The following SYT17 variants were observed in gnomAD, a reference collection of about 807,000 sequenced individuals.
SYT17 encodes the protein synaptotagmin-17.
Under a neutral mutation model 46.7 loss-of-function variants are expected in SYT17, and 22 were observed. The ratio of observed to expected loss-of-function variants is 0.47; its 90% CI spans 0.34 to 0.67. SYT17 has a LOEUF of 0.67. Among genes scored for constraint, SYT17 ranks in the 30% least tolerant of loss-of-function variants. The pLI is 0.01. For missense variants in SYT17, 519 were observed against 612.8 expected (o/e 0.85, Z 1.62); for synonymous variants, 251 against 248.4 (o/e 1.01, Z -0.10).
At chr16:19,208,880 C>CCTTCTTTTT (rs1965774458) in intron 5 of SYT17, among the ~76,000 whole-genome samples, 2 of 68,188 alleles carry the variant, frequency 2.9e-5, no homozygotes, top group South Asian at 4.7e-4. Context: ...TCTACAAGGA[C>CCTTCTTTTT]CTTCTTTTTT....
At position 19,183,674 on chromosome 16, in the gene SYT17, C is replaced by T. The variant is rs1365835893; in HGVS notation, c.478C>T (p.His160Tyr). 3.1e-6 allele frequency: 5 copies of T among 1,614,206 alleles called. No homozygotes were observed. Among genetic ancestry groups the T allele is most frequent in the South Asian group, 1.1e-5 (1 of 91,086 alleles). The change falls in exon 5 of 8, where the codon CAC (histidine) becomes TAC (tyrosine). Residue 160 changes from histidine to tyrosine, a missense_variant. Physicochemically the swap from His to Tyr is moderately conservative, Grantham distance 83. Coordinates refer to ENST00000355377, the MANE Select transcript of SYT17 (RefSeq NM_016524.4). This position sits in a 1 kb window ranked among gnomAD's most constrained non-coding sequence, Gnocchi z 5.6. ...CGACTATTTCAGGAAGTTCGAACCC[C>T]ACCTGTACTCCCTCGACTCCAACAG... is the stretch of plus-strand genomic sequence containing the variant. ...PDDYFRKFEP[H>Y]LYSLDSNSDD...
chr16:19,200,623 A>G (rs1461396149), intron 5 of SYT17, among the ~76,000 whole-genome samples: 1 of 152,142 alleles, frequency 6.6e-6, no homozygotes, highest in Non-Finnish European at 1.5e-5. Context: ...ATTTCTCTCC[A>G]TTCGAGTTTT....
At chr16:19,264,802 C>G (rs545031543) in intron 7 of SYT17, among the ~76,000 whole-genome samples, 1 of 152,028 alleles carries the variant, frequency 6.6e-6, no homozygotes. Flanking sequence ...CCATGTTGCC[C>G]AGACTAGTCT....
chr16:19,212,248 A>G (rs946949314), intron 5 of SYT17, among the ~76,000 whole-genome samples: 4 of 152,216 alleles, frequency 2.6e-5, no homozygotes, highest in Admixed American at 2.6e-4. Context: ...CAAAGTGGCA[A>G]TAGTGCTGAG....
intron 5 of SYT17, among the ~76,000 whole-genome samples, chr16:19,214,526 G>A (rs1251753362): frequency 6.6e-6 from 1 of 152,032 alleles, no homozygotes; most frequent in Non-Finnish European, 1.5e-5. Context: ...TGTAGCATCT[G>A]ATACTTCTAG....
chr16:19,249,404 A>G (rs569256372), intron 7 of SYT17, among the ~76,000 whole-genome samples: 2 of 152,368 alleles, frequency 1.3e-5, no homozygotes, highest in East Asian at 3.9e-4. Flanking sequence ...GGAAAGGGAC[A>G]AGAAGAAGGA....
At chr16:19,228,286 A>G (rs1966566336) in intron 7 of SYT17, among the ~76,000 whole-genome samples, 1 of 152,186 alleles carries the variant, frequency 6.6e-6, no homozygotes, top group African/African-American at 2.4e-5. Context: ...GGCAGTGGTC[A>G]GCTGATGCTG....
At chr16:19,247,939 G>A (rs1597021126) in intron 7 of SYT17, among the ~76,000 whole-genome samples, 1 of 152,110 alleles carries the variant, frequency 6.6e-6, no homozygotes, top group African/African-American at 2.4e-5. Context: ...AAAAAGCCAA[G>A]CCATGCCCTG....
chr16:19,231,148 T>G (rs965919844), intron 7 of SYT17, among the ~76,000 whole-genome samples: 4 of 152,182 alleles, frequency 2.6e-5, no homozygotes, highest in Non-Finnish European at 5.9e-5. Context: ...TCTGTCTTCT[T>G]GGAGGTAAAG....
chr16:19,173,198 T>C, intron 2 of SYT17: 1 of 564,382 alleles, frequency 1.8e-6, no homozygotes, highest in Non-Finnish European at 3.1e-6. Context: ...TGCTTGCTAC[T>C]AACGGCTCCA....
At chr16:19,209,526 T>C (rs12923466) in intron 5 of SYT17, among the ~76,000 whole-genome samples, 40,832 of 151,946 alleles carry the variant, frequency 0.27, 5,744 homozygotes, top group Middle Eastern at 0.33. Flanking sequence ...AAATGCAGCT[T>C]GTCAGCCTCA....
At chr16:19,232,915 C>T (rs897646344) in intron 7 of SYT17, among the ~76,000 whole-genome samples, 5 of 152,132 alleles carry the variant, frequency 3.3e-5, no homozygotes, top group African/African-American at 9.7e-5. Flanking sequence ...CTCCCTAACC[C>T]TGTCTGTACG....
At chr16:19,203,090 A>T (rs1052092077) in intron 5 of SYT17, among the ~76,000 whole-genome samples, 2 of 152,204 alleles carry the variant, frequency 1.3e-5, no homozygotes, top group Non-Finnish European at 2.9e-5. Context: ...ATGTCAGCAC[A>T]TGCCTGGACC....
At chr16:19,225,022 T>C (rs1966454068) in intron 7 of SYT17, among the ~76,000 whole-genome samples, 184 bp downstream of exon 7, 1 of 152,144 alleles carries the variant, frequency 6.6e-6, no homozygotes, top group Admixed American at 6.5e-5. Flanking sequence ...TATAATATAA[T>C]TGTTAGAAAT....
chr16:19,212,239 A>T (rs1431699246), intron 5 of SYT17, among the ~76,000 whole-genome samples: 1 of 152,166 alleles, frequency 6.6e-6, no homozygotes, highest in Admixed American at 6.5e-5. Context: ...GCTCCAGCCC[A>T]AAGTGGCAAT....
At chr16:19,218,993 G>A (rs944724931) in intron 5 of SYT17, among the ~76,000 whole-genome samples, 2 of 151,940 alleles carry the variant, frequency 1.3e-5, no homozygotes, top group African/African-American at 4.8e-5. Context: ...CCCATCCACC[G>A]ACTGAAAGGG....
chr16:19,190,810 C>G (rs1322185965), intron 5 of SYT17, among the ~76,000 whole-genome samples: 3 of 123,032 alleles, frequency 2.4e-5, no homozygotes, highest in African/African-American at 6.5e-5. Context: ...GTGTGTGTGT[C>G]ATATTTTGTT....
intron 5 of SYT17, among the ~76,000 whole-genome samples, chr16:19,215,532 C>T (rs1034752284): frequency 6.6e-6 from 1 of 152,156 alleles, no homozygotes; most frequent in Non-Finnish European, 1.5e-5. Context: ...CCACATTTGC[C>T]TCTTACATAG....
At chr16:19,192,774 A>G (rs1965076753) in intron 5 of SYT17, among the ~76,000 whole-genome samples, 1 of 152,166 alleles carries the variant, frequency 6.6e-6, no homozygotes, top group Non-Finnish European at 1.5e-5. Flanking sequence ...AACAAGGAAT[A>G]TCAAACAGTG....
Sources: gnomAD v4.1 joint callset for allele counts (sites outside exome capture counted in the v4.1 genomes callset) on GRCh38, gnomAD v4.1.1 for gene constraint, Gnocchi (gnomAD v3.1) non-coding constraint, MANE v1.5 for transcripts, NCBI Gene and HGNC (gene_info 2026-07-23, HGNC 2026-07-21) for gene names.